The following DAB1 variants were observed in gnomAD, a reference collection of about 807,000 sequenced individuals.
DAB1 encodes the protein disabled homolog 1.
Under a neutral mutation model 64.6 loss-of-function variants are expected in DAB1, and 15 were observed. The observed-to-expected ratio is 0.23, with a 90% CI of 0.16 to 0.36. DAB1 has a LOEUF of 0.36. DAB1 is among the 10% of genes least tolerant of loss of function. The pLI is 1.00. For missense variants in DAB1, 596 were observed against 706.7 expected (o/e 0.84, Z 1.78); for synonymous variants, 235 against 251.9 (o/e 0.93, Z 0.64).
chr1:57,865,528 G>C (rs1251684952), intron 1 of DAB1, among the ~76,000 whole-genome samples: 3 of 152,002 alleles, frequency 2.0e-5, no homozygotes, highest in Non-Finnish European at 2.9e-5. Flanking sequence ...TGGCCTTTAT[G>C]TCTCAAACAT....
intron 1 of DAB1, among the ~76,000 whole-genome samples, chr1:58,531,909 A>C (rs1231269902): frequency 6.6e-6 from 1 of 151,896 alleles, no homozygotes; most frequent in East Asian, 1.9e-4. Context: ...GAGTTTCACC[A>C]TGTTGGCCAG....
At chr1:57,601,173 C>G (rs1413117085) in intron 7 of DAB1, among the ~76,000 whole-genome samples, 1 of 152,132 alleles carries the variant, frequency 6.6e-6, no homozygotes, top group Non-Finnish European at 1.5e-5. Flanking sequence ...TTTAGGGTCT[C>G]TATACTTCCC....
chr1:58,241,074 C>A (rs963583645), intron 4 of DAB1, among the ~76,000 whole-genome samples: 1 of 152,106 alleles, frequency 6.6e-6, no homozygotes, highest in Non-Finnish European at 1.5e-5. Flanking sequence ...GCTACTCATA[C>A]ATATAGGGGC....
chr1:57,627,059 C>T (rs909559349), intron 7 of DAB1, among the ~76,000 whole-genome samples: 2 of 152,092 alleles, frequency 1.3e-5, no homozygotes, highest in Non-Finnish European at 2.9e-5. Flanking sequence ...AGAAATTGTC[C>T]TCCCCAGTGT....
chr1:58,413,977 T>G (rs1644693731), intron 3 of DAB1, among the ~76,000 whole-genome samples: 1 of 152,344 alleles, frequency 6.6e-6, no homozygotes. Flanking sequence ...GAGTATATGG[T>G]GTAGCATATT....
chr1:57,226,670 A>ATATATATATATAT (rs1553158272), intron 2 of DAB1, among the ~76,000 whole-genome samples: 1 of 119,504 alleles, frequency 8.4e-6, no homozygotes, highest in African/African-American at 4.0e-5. Flanking sequence ...GGTTAAAAAA[A>ATATATATATATAT]AAATATATAT....
At chr1:57,321,053 G>A (rs192818574) in intron 1 of DAB1, among the ~76,000 whole-genome samples, 2 of 152,238 alleles carry the variant, frequency 1.3e-5, no homozygotes, top group Admixed American at 6.5e-5. Context: ...TTTTACAGAT[G>A]ATGAAACGAA....
At chr1:57,317,848 C>A (rs1221438958) in intron 1 of DAB1, among the ~76,000 whole-genome samples, 1 of 152,064 alleles carries the variant, frequency 6.6e-6, no homozygotes, top group East Asian at 1.9e-4. Flanking sequence ...CCTCCCTCAA[C>A]CTCAATGAGA....
intron 4 of DAB1, among the ~76,000 whole-genome samples, chr1:58,327,312 G>T (rs535775072): frequency 1.3e-5 from 2 of 152,130 alleles, no homozygotes; most frequent in African/African-American, 4.8e-5. Context: ...AGGAAGGAAG[G>T]AAGAGGAGAA....
At chr1:58,172,118 G>C (rs538349993) in intron 4 of DAB1, among the ~76,000 whole-genome samples, 1 of 152,306 alleles carries the variant, frequency 6.6e-6, no homozygotes, top group Admixed American at 6.5e-5. Flanking sequence ...TACTCATCTA[G>C]TAGAATGGGA....
At chr1:58,326,842 CT>C (rs1233754976) in intron 4 of DAB1, among the ~76,000 whole-genome samples, 1 of 152,198 alleles carries the variant, frequency 6.6e-6, no homozygotes, top group Non-Finnish European at 1.5e-5. Context: ...CCCTCAGCCC[CT>C]ATCCCCATCC....
intron 6 of DAB1, among the ~76,000 whole-genome samples, chr1:57,660,551 G>A (rs1286837168): frequency 6.6e-6 from 1 of 152,222 alleles, no homozygotes; most frequent in African/African-American, 2.4e-5. Context: ...ATCAGCCTAG[G>A]TGATTGCTCC....
Position 58,482,788 on chromosome 1 carries a change from G to A in DAB1, n.257+23272C>T, listed in dbSNP as rs374838375. ...CTGCGAGTACAAGGGAGATGGGAGC[G>A]TGCCTGGGGTGTTTTGGAACAGTGA... is the stretch of plus-strand genomic sequence containing the variant. On this transcript the variant is annotated intron_variant and non_coding_transcript_variant, in intron 3 of 20. Coordinates refer to the DAB1 transcript ENST00000485760. Among the ~76,000 whole-genome samples, 267 of 152,234 alleles carry A rather than the reference G, an allele frequency of 1.8e-3. 1 individual carries two copies. The highest frequency in any genetic ancestry group is 7.0e-3 in the Admixed American group (107 of 15,306).
chr1:58,459,254 A>G (rs1645220513), intron 3 of DAB1, among the ~76,000 whole-genome samples: 1 of 152,234 alleles, frequency 6.6e-6, no homozygotes, highest in Non-Finnish European at 1.5e-5. Context: ...AACAATAAAC[A>G]TGAATTATCT....
chr1:58,290,234 A>G (rs1328931294), intron 4 of DAB1, among the ~76,000 whole-genome samples: 1 of 152,178 alleles, frequency 6.6e-6, no homozygotes, highest in Non-Finnish European at 1.5e-5. Flanking sequence ...AGCACCTGGA[A>G]GGACACCAAA....
intron 5 of DAB1, among the ~76,000 whole-genome samples, chr1:57,899,019 CTT>C (rs34816727): frequency 1.0e-4 from 15 of 147,758 alleles, no homozygotes; most frequent in Admixed American, 1.4e-4. Context: ...AAGAATGCAG[CTT>C]TTTTTTTTTA....
chr1:57,068,197 T>A (rs962789629), intron 8 of DAB1, among the ~76,000 whole-genome samples: 3 of 152,228 alleles, frequency 2.0e-5, no homozygotes, highest in Non-Finnish European at 4.4e-5. Context: ...TTAATGGTTT[T>A]TTCCTCCTCA....
At chr1:58,271,730 ACTTCTTCCTGGTTTAGT>A (rs200249830) in intron 4 of DAB1, among the ~76,000 whole-genome samples, 16,507 of 37,326 alleles carry the variant, frequency 0.44, 2,309 homozygotes, top group East Asian at 0.68. Flanking sequence ...CAGAGATTCA[ACTTCTTCCTGGTTTAGT>A]CTTGGGAGAG....
intron 2 of DAB1, among the ~76,000 whole-genome samples, chr1:57,280,448 C>T (rs768154215): frequency 6.6e-6 from 1 of 152,174 alleles, no homozygotes; most frequent in Admixed American, 6.5e-5. Flanking sequence ...AAATCCCATC[C>T]TCTGAGTCAT....
Sources: allele counts gnomAD v4.1 joint callset (sites outside exome capture counted in the v4.1 genomes callset), GRCh38; gene constraint gnomAD v4.1.1; transcripts MANE v1.5; gene names NCBI Gene and HGNC (gene_info 2026-07-23, HGNC 2026-07-21).